The following ILDR1 variants were observed in gnomAD, a reference collection of about 807,000 sequenced individuals.
ILDR1 encodes immunoglobulin like domain containing receptor 1, also known as immunoglobulin-like domain-containing receptor 1.
ILDR1 carries 56 observed loss-of-function variants against 62.4 expected under a neutral mutation model. That is an observed-to-expected ratio of 0.90 (90% confidence interval 0.72 to 1.12). The LOEUF (loss-of-function observed/expected upper bound fraction) is 1.12. ILDR1 is among the 50% of genes most tolerant of loss of function. The probability of loss-of-function intolerance (pLI) is 0.00; values close to 1 mark genes in which losing one functional copy is unlikely to be tolerated. For missense variants in ILDR1, 736 were observed against 710.6 expected, an observed-to-expected ratio of 1.04 and a Z score of -0.41; for synonymous variants, 284 against 277.8, an observed-to-expected ratio of 1.02 and a Z score of -0.22.
chr3:122,013,367 A>G (rs1354441229), intron 1 of ILDR1, among the ~76,000 whole-genome samples: 1 of 152,072 alleles, frequency 6.6e-6, no homozygotes, highest in East Asian at 1.9e-4. Flanking sequence ...GCCTGCTTGG[A>G]AGGGATGGTA....
At chr3:122,028,822 T>C in the ILDR1 span, among the ~76,000 whole-genome samples, 1 of 152,242 alleles carries the variant, frequency 6.6e-6, no homozygotes, top group Admixed American at 6.5e-5. Context: ...TCAACCACTT[T>C]GTTGAACAAT....
chr3:122,060,579 T>A, the ILDR1 span, among the ~76,000 whole-genome samples: 17 of 151,914 alleles, frequency 1.1e-4, 1 homozygote, highest in Admixed American at 7.9e-4. Context: ...GGCGAGGAGT[T>A]CCGTTCAAGA....
At chr3:122,022,767 G>C (rs2071880847), upstream of ILDR1, among the ~76,000 whole-genome samples, 1 of 152,034 alleles carries the variant, frequency 6.6e-6, no homozygotes, top group Non-Finnish European at 1.5e-5. Context: ...ATACAAAACA[G>C]CCGTGCGTGG....
intron 7 of ILDR1, among the ~76,000 whole-genome samples, chr3:121,992,291 C>G (rs1038562199): frequency 2.0e-5 from 3 of 152,178 alleles, no homozygotes; most frequent in Non-Finnish European, 1.5e-5. Flanking sequence ...CACCCGCCAC[C>G]ACACCCAGCT....
chr3:122,045,173 G>A, the ILDR1 span, among the ~76,000 whole-genome samples: 4 of 150,096 alleles, frequency 2.7e-5, no homozygotes, highest in South Asian at 4.3e-4. Flanking sequence ...ATTTCGTTAT[G>A]TACCCAGTAG....
At chr3:122,016,562 G>T (rs553085573) in intron 1 of ILDR1, among the ~76,000 whole-genome samples, 1 of 152,324 alleles carries the variant, frequency 6.6e-6, no homozygotes, top group African/African-American at 2.4e-5. Context: ...AAGAAAGAAG[G>T]GTGTGTGTTG....
the ILDR1 span, among the ~76,000 whole-genome samples, chr3:122,043,093 T>C: frequency 4.5e-3 from 624 of 138,096 alleles, 3 homozygotes; most frequent in African/African-American, 0.016. Flanking sequence ...GATTTTTGTA[T>C]AAGGTGTAAG....
Position 122,006,972 on chromosome 3 carries a change from A to G in ILDR1, c.229+19T>C. ...GGTGTCTGGGACCCACAGAGGGCCA[A>G]GGGGGTAAGGATACTCACACGCTGA... On this transcript the variant is annotated intron_variant, in intron 2 of 7. Coordinates refer to ENST00000344209, the MANE Select transcript of ILDR1 (RefSeq NM_001199799.2). 1 of 1,608,274 alleles carries G rather than the reference A, an allele frequency of 6.2e-7. No homozygotes were observed. The highest frequency in any genetic ancestry group is 8.5e-7 in the Non-Finnish European group (1 of 1,178,078).
chr3:122,003,780 T>G (rs2071563246), intron 3 of ILDR1, among the ~76,000 whole-genome samples: 1 of 151,678 alleles, frequency 6.6e-6, no homozygotes, highest in Non-Finnish European at 1.5e-5. Context: ...CTTCACGTTT[T>G]TAGAAAAAAA....
chr3:121,988,364 T>C lies in ILDR1; in HGVS notation c.*3A>G. 1 of 1,613,156 alleles carries C rather than the reference T, an allele frequency of 6.2e-7. No homozygotes were observed. The highest frequency in any genetic ancestry group is 8.5e-7 in the Non-Finnish European group (1 of 1,179,138). On this transcript the variant is annotated 3_prime_UTR_variant, in exon 8 of 8. Coordinates refer to ENST00000344209, the MANE Select transcript of ILDR1 (RefSeq NM_001199799.2). ...GCCACAGAAGTTGTGCTGTGCTTGG[T>C]GACTAAATGACCACACTCCTTCCAC...
chr3:122,060,906 T>C, the ILDR1 span, among the ~76,000 whole-genome samples: 1 of 152,156 alleles, frequency 6.6e-6, no homozygotes, highest in South Asian at 2.1e-4. Context: ...GGATCATTTA[T>C]AATTTACATC....
chr3:122,046,251 C>G, the ILDR1 span, among the ~76,000 whole-genome samples: 1 of 149,938 alleles, frequency 6.7e-6, no homozygotes, highest in African/African-American at 2.4e-5. Context: ...TCGGCCCCCA[C>G]TCTCTTCTGG....
rs2071589035 is a variant in ILDR1, at chr3:122,005,300, TGCCCCC to T, written c.317_322del (p.Arg106_Gly107del). The T allele has an allele frequency of 6.2e-7, 1 of 1,610,268 alleles. No homozygotes were observed. Among genetic ancestry groups the T allele is most frequent in the African/African-American group, 1.3e-5 (1 of 74,604 alleles). On this transcript the variant is annotated inframe_deletion, in exon 3 of 8. Transcript: ENST00000344209. The stretch of plus-strand genomic sequence containing the variant: ...ATCTACCCCCAGCACGGGCTCATTC[TGCCCCC>T]GCCGCTGGGCCACTATGCGAACTTC...
chr3:122,029,532 A>ATATATATATATATATG, the ILDR1 span, among the ~76,000 whole-genome samples: 148 of 148,800 alleles, frequency 9.9e-4, no homozygotes, highest in Middle Eastern at 3.5e-3. Context: ...ATATATATAT[A>ATATATATATATATATG]TTTAGGGGAA....
At chr3:121,988,484 C>T in intron 7 of ILDR1, 76 bp from the exon 8 acceptor site, 1 of 1,210,874 alleles carries the variant, frequency 8.3e-7, no homozygotes, top group Non-Finnish European at 1.2e-6. Flanking sequence ...ACATAATGTG[C>T]TCTTGATTTA....
rs753506704 is a variant in ILDR1, at chr3:122,007,079, G to A, written c.141C>T (p.Tyr47=). The A allele has an allele frequency of 8.7e-6, 14 of 1,614,096 alleles. No individual in the cohort carries two copies. The highest frequency in any genetic ancestry group is 2.2e-5 in the East Asian group (1 of 44,886). The change falls in exon 2 of 8, where the codon TAC becomes TAT. Residue 47 remains tyrosine, a synonymous_variant. Coordinates refer to ENST00000344209, the MANE Select transcript of ILDR1 (RefSeq NM_001199799.2). ...LFASIILKCD[Y]TTSAQLQDVV... Reference sequence around the variant, plus strand: ...CGTCCTGGAGCTGGGCAGAGGTGGTGTAGTCACATTTGAGGATGATAGAGG... The same window carrying A: ...CGTCCTGGAGCTGGGCAGAGGTGGTATAGTCACATTTGAGGATGATAGAGG...
In ILDR1 at chr3:122,001,831, C is replaced by A. The variant is rs1444821902; in HGVS notation, c.413G>T (p.Trp138Leu). Reference sequence around the variant, plus strand: ...GGTGCAGTAATACACTCCATGGTCCCACCACATCACTTCATTTATCACGAG... The same window carrying A: ...GGTGCAGTAATACACTCCATGGTCCAACCACATCACTTCATTTATCACGAG... ...ADLVINEVMW[W>L]DHGVYYCTIE... is the part of the protein sequence containing the mutation. The change falls in exon 4 of 8, where the codon TGG (tryptophan) becomes TTG (leucine). Residue 138 changes from tryptophan to leucine, a missense_variant. Coordinates refer to ENST00000344209, the MANE Select transcript of ILDR1 (RefSeq NM_001199799.2). 6.2e-7 allele frequency: 1 copy of A among 1,613,614 alleles called. No homozygotes were observed. Among genetic ancestry groups the A allele is most frequent in the Admixed American group, 1.7e-5 (1 of 60,016 alleles).
chr3:122,038,762 C>A, the ILDR1 span, among the ~76,000 whole-genome samples: 1 of 151,934 alleles, frequency 6.6e-6, no homozygotes, highest in Non-Finnish European at 1.5e-5. Context: ...CATGTAAGCT[C>A]AGACAGATAT....
rs1258815594 is a variant in ILDR1, at chr3:121,994,265, T to G, written c.695A>C (p.Gln232Pro). 1.3e-6 allele frequency: 2 copies of G among 1,535,964 alleles called. No individual in the cohort carries two copies. Among genetic ancestry groups the G allele is most frequent in the Non-Finnish European group, 1.7e-6 (2 of 1,146,868 alleles). Residue 232 changes from glutamine to proline, a missense_variant, in exon 6 of 8, where the codon CAG becomes CCG. Gln to Pro is a moderately conservative substitution (Grantham distance 76). Transcript: ENST00000344209. ...YMKQAQALGP[Q>P]MMGKPLYWGA... The stretch of plus-strand genomic sequence containing the variant: ...CCAGTACAGGGGTTTTCCCATCATC[T>G]GAGGACCTAGGGCCTGGGCCTGCTT...
Sources: gnomAD v4.1 joint callset for allele counts (sites outside exome capture counted in the v4.1 genomes callset) on GRCh38, gnomAD v4.1.1 for gene constraint, MANE v1.5 for transcripts, NCBI Gene and HGNC (gene_info 2026-07-23, HGNC 2026-07-21) for gene names.